Variants in PABPC4L observed in about 807,000 individuals in gnomAD.
PABPC4L encodes polyadenylate-binding protein 4-like.
For synonymous variants in PABPC4L, 169 were observed against 164.1 expected, an observed-to-expected ratio of 1.03 and a Z score of -0.23; for missense variants, 452 against 451.4, an observed-to-expected ratio of 1.00 and a Z score of -0.01.
chr4:134,053,315 G>A, the PABPC4L span, among the ~76,000 whole-genome samples: 20 of 152,024 alleles, frequency 1.3e-4, no homozygotes, highest in Admixed American at 9.2e-4. Flanking sequence ...GTTGCTAAGC[G>A]CTGCTGAATG....
the PABPC4L span, among the ~76,000 whole-genome samples, chr4:134,069,287 T>C: frequency 6.6e-6 from 1 of 152,166 alleles, no homozygotes; most frequent in Non-Finnish European, 1.5e-5. Context: ...GAGAATATGA[T>C]GACTATGTGC....
chr4:134,110,334 G>T, the PABPC4L span, among the ~76,000 whole-genome samples: 1 of 151,982 alleles, frequency 6.6e-6, no homozygotes, highest in African/African-American at 2.4e-5. Flanking sequence ...AGGATACTTT[G>T]ATAGTGTAGG....
the PABPC4L span, among the ~76,000 whole-genome samples, chr4:134,166,405 T>C: frequency 1.3e-5 from 2 of 152,034 alleles, no homozygotes; most frequent in Non-Finnish European, 2.9e-5. Flanking sequence ...AAAGCTTAGG[T>C]TTCCCCATCT....
In PABPC4L at chr4:134,200,499, T is replaced by G. The variant is rs765282684; in HGVS notation, c.521A>C (p.Asn174Thr). ...GCKVFVGRFK[N>T]RKDREAELRS... Reference sequence around the variant, plus strand: ...GAGTTCAGCTTCACGATCTTTTCGGTTTTTGAATCTGCCAACAAACACCTT... The same window carrying G: ...GAGTTCAGCTTCACGATCTTTTCGGGTTTTGAATCTGCCAACAAACACCTT... Residue 174 changes from asparagine to threonine, a missense_variant, in exon 2 of 2, where the codon AAC becomes ACC. Asn to Thr is a moderately conservative substitution (Grantham distance 65, BLOSUM62 0). Transcript: ENST00000421491. 1 of 1,551,488 alleles carries G rather than the reference T, an allele frequency of 6.4e-7. No homozygotes were observed. Among genetic ancestry groups the G allele is most frequent in the African/African-American group, 1.4e-5 (1 of 73,024 alleles).
chr4:134,040,357 T>C, the PABPC4L span, among the ~76,000 whole-genome samples: 1 of 152,020 alleles, frequency 6.6e-6, no homozygotes, highest in Non-Finnish European at 1.5e-5. Context: ...CAAAACAGCA[T>C]GGTACTGGTA....
chr4:134,144,125 G>A, the PABPC4L span, among the ~76,000 whole-genome samples: 3,401 of 151,514 alleles, frequency 0.022, 126 homozygotes, highest in African/African-American at 0.077. Flanking sequence ...ACTTGTTATA[G>A]TACCTTTTTC....
the PABPC4L span, among the ~76,000 whole-genome samples, chr4:134,042,688 C>T: frequency 6.6e-6 from 1 of 152,040 alleles, no homozygotes; most frequent in Non-Finnish European, 1.5e-5. Flanking sequence ...TTTTCTGCAG[C>T]AGAATAGAAA....
the PABPC4L span, among the ~76,000 whole-genome samples, chr4:134,172,755 A>G: frequency 6.6e-6 from 1 of 152,046 alleles, no homozygotes; most frequent in Non-Finnish European, 1.5e-5. Flanking sequence ...TGCAGATCCA[A>G]TGCAATCTCC....
the PABPC4L span, among the ~76,000 whole-genome samples, chr4:134,178,365 CA>C: frequency 0.022 from 2,250 of 103,982 alleles, 24 homozygotes; most frequent in Middle Eastern, 0.051. Context: ...AAGAAAAAAG[CA>C]AAAAAAAAAA....
chr4:134,013,279 G>A, the PABPC4L span, among the ~76,000 whole-genome samples: 4 of 151,700 alleles, frequency 2.6e-5, no homozygotes, highest in African/African-American at 7.3e-5. Flanking sequence ...TCTGCACCCC[G>A]ACCTCTTAAT....
the PABPC4L span, among the ~76,000 whole-genome samples, chr4:134,181,314 T>G: frequency 6.6e-6 from 1 of 152,002 alleles, no homozygotes; most frequent in East Asian, 1.9e-4. Flanking sequence ...TCAATAAAAT[T>G]TAATATCCCT....
At chr4:134,107,595 A>G in the PABPC4L span, among the ~76,000 whole-genome samples, 1,473 of 151,710 alleles carry the variant, frequency 9.7e-3, 15 homozygotes, top group Non-Finnish European at 0.014. Flanking sequence ...GTATTTTTAT[A>G]CATTGTTTTG....
chr4:134,093,632 C>T, the PABPC4L span, among the ~76,000 whole-genome samples: 1 of 149,182 alleles, frequency 6.7e-6, no homozygotes, highest in Non-Finnish European at 1.5e-5. Context: ...AGTGCAGTGG[C>T]ACTTCATTTC....
At chr4:134,154,673 T>A in the PABPC4L span, among the ~76,000 whole-genome samples, 3 of 152,054 alleles carry the variant, frequency 2.0e-5, no homozygotes, top group Non-Finnish European at 4.4e-5. Flanking sequence ...CATATTAATA[T>A]TTTGCATTAT....
the PABPC4L span, among the ~76,000 whole-genome samples, chr4:133,986,350 A>G: frequency 1.3e-5 from 2 of 152,110 alleles, no homozygotes; most frequent in Non-Finnish European, 2.9e-5. Context: ...AGAATAAAAT[A>G]CGAGATATAT....
the PABPC4L span, among the ~76,000 whole-genome samples, chr4:134,048,871 C>A: frequency 6.6e-6 from 1 of 152,020 alleles, no homozygotes; most frequent in African/African-American, 2.4e-5. Flanking sequence ...ATTGGATACA[C>A]TTCCTATTTC....
At chr4:134,037,492 T>C in the PABPC4L span, among the ~76,000 whole-genome samples, 1 of 152,122 alleles carries the variant, frequency 6.6e-6, no homozygotes, top group African/African-American at 2.4e-5. Context: ...CTTTATACTA[T>C]CATGTTAATA....
chr4:134,190,438 T>A, the PABPC4L span, among the ~76,000 whole-genome samples: 1 of 152,158 alleles, frequency 6.6e-6, no homozygotes, highest in East Asian at 1.9e-4. Context: ...TTTTTTCTAA[T>A]TCTTTAATTT....
the PABPC4L span, among the ~76,000 whole-genome samples, chr4:133,949,167 A>G: frequency 6.6e-6 from 1 of 152,200 alleles, no homozygotes; most frequent in African/African-American, 2.4e-5. Context: ...TTTTGGAAGA[A>G]TGACTCACCC....
Sources: allele counts gnomAD v4.1 joint callset (sites outside exome capture counted in the v4.1 genomes callset), GRCh38; gene constraint gnomAD v4.1.1; transcripts MANE v1.5; gene names NCBI Gene and HGNC (gene_info 2026-07-23, HGNC 2026-07-21).